Variants in IGF2BP2 observed in about 807,000 individuals in gnomAD.
IGF2BP2 encodes the protein insulin like growth factor 2 mRNA binding protein 2.
IGF2BP2 carries 17 observed loss-of-function variants against 75.8 expected under a neutral mutation model. The ratio of observed to expected loss-of-function variants is 0.22; its 90% CI spans 0.15 to 0.34. IGF2BP2 has a LOEUF of 0.34. Among genes scored for constraint, IGF2BP2 ranks in the 10% least tolerant of loss-of-function variants. The pLI, the probability that IGF2BP2 is intolerant of heterozygous loss-of-function variation, is 1.00. For missense variants in IGF2BP2, 516 were observed against 772.4 expected, an observed-to-expected ratio of 0.67 and a Z score of 3.93; for synonymous variants, 288 against 295.6, an observed-to-expected ratio of 0.97 and a Z score of 0.26.
At chr3:185,795,508 T>A (rs7640539) in intron 2 of IGF2BP2, among the ~76,000 whole-genome samples, 58,939 of 152,094 alleles carry the variant, frequency 0.39, 12,315 homozygotes, top group African/African-American at 0.56. Context: ...TTGCTGGATC[T>A]CACAATGTAT....
intron 7 of IGF2BP2, among the ~76,000 whole-genome samples, chr3:185,684,234 G>C (rs917227784): frequency 1.3e-5 from 2 of 152,048 alleles, no homozygotes; most frequent in Admixed American, 6.6e-5. Flanking sequence ...TAGGATCTCT[G>C]TTCTCCTATA....
In IGF2BP2 at chr3:185,774,353, T is replaced by C. The variant is rs150926567; in HGVS notation, c.239+48800A>G. ...GTTCCCGCCTGTAAGGCCTGCACTT[T>C]GGGAGGCCGAGGTGGGCGGATCACG... On this transcript the variant is annotated intron_variant, in intron 2 of 15. Coordinates refer to ENST00000382199, the MANE Select transcript of IGF2BP2 (RefSeq NM_006548.6). 3.6e-3 allele frequency among the ~76,000 whole-genome samples: 550 copies of C among 152,264 alleles called. 2 individuals carry two copies. Among genetic ancestry groups the C allele is most frequent in the Non-Finnish European group, 5.8e-3 (394 of 68,018 alleles).
At chr3:185,813,208 T>C (rs1479075156) in intron 2 of IGF2BP2, among the ~76,000 whole-genome samples, 1 of 152,214 alleles carries the variant, frequency 6.6e-6, no homozygotes, top group Non-Finnish European at 1.5e-5. Flanking sequence ...ACCTTTGTCA[T>C]CTCAAATATT....
chr3:185,669,508 C>A (rs1577897929), intron 10 of IGF2BP2, among the ~76,000 whole-genome samples: 2 of 148,602 alleles, frequency 1.3e-5, no homozygotes, highest in South Asian at 4.3e-4. Context: ...AGTACATACT[C>A]CCTGCTTCTT....
At chr3:185,750,337 A>C (rs1730801905) in intron 2 of IGF2BP2, among the ~76,000 whole-genome samples, 1 of 152,150 alleles carries the variant, frequency 6.6e-6, no homozygotes, top group Non-Finnish European at 1.5e-5. Flanking sequence ...GTTGATCTTT[A>C]ATCTATAAAT....
At chr3:185,820,401 C>T (rs968515552) in intron 2 of IGF2BP2, among the ~76,000 whole-genome samples, 1 of 151,834 alleles carries the variant, frequency 6.6e-6, no homozygotes, top group Non-Finnish European at 1.5e-5. Context: ...ACCATATGTA[C>T]TACCAAGAAA....
At chr3:185,677,056 T>TAG (rs1560276059) in intron 7 of IGF2BP2, among the ~76,000 whole-genome samples, 15 of 55,340 alleles carry the variant, frequency 2.7e-4, no homozygotes, top group African/African-American at 1.2e-3. Flanking sequence ...TATATATATA[T>TAG]ATATATATAT....
chr3:185,673,270 T>A (rs1320538614), intron 9 of IGF2BP2, among the ~76,000 whole-genome samples: 1 of 152,242 alleles, frequency 6.6e-6, no homozygotes, highest in East Asian at 1.9e-4. Context: ...GAGAATGTCT[T>A]ACTTAGTGTC....
chr3:185,672,715 A>G, intron 9 of IGF2BP2, 46 bp from the exon 10 acceptor site: 6 of 1,610,986 alleles, frequency 3.7e-6, no homozygotes, highest in Non-Finnish European at 4.2e-6. Flanking sequence ...GAGACCAGAG[A>G]GGCCCGCACG....
intron 4 of IGF2BP2, among the ~76,000 whole-genome samples, chr3:185,693,673 C>T (rs1250818852): frequency 6.6e-6 from 1 of 152,272 alleles, no homozygotes; most frequent in Non-Finnish European, 1.5e-5. Flanking sequence ...AGAAAACTTT[C>T]TCAATCCAAG....
chr3:185,755,905 T>C (rs1462053933), intron 2 of IGF2BP2, among the ~76,000 whole-genome samples: 1 of 152,202 alleles, frequency 6.6e-6, no homozygotes. Flanking sequence ...GAGTTGATGC[T>C]AGAACAAGCG....
chr3:185,671,085 G>A (rs1718434105), intron 10 of IGF2BP2, among the ~76,000 whole-genome samples: 1 of 152,140 alleles, frequency 6.6e-6, no homozygotes, highest in African/African-American at 2.4e-5. Flanking sequence ...ACAGAGATGT[G>A]AAACTCCCAA....
chr3:185,669,248 G>A (rs914144521), intron 10 of IGF2BP2, among the ~76,000 whole-genome samples: 11 of 151,914 alleles, frequency 7.2e-5, no homozygotes, highest in Non-Finnish European at 1.2e-4. Flanking sequence ...TCTACTTCCA[G>A]GAAATTATTC....
chr3:185,675,888 A>C lies in IGF2BP2; in HGVS notation c.838T>G (p.Leu280Val), dbSNP rs766087776. The C allele has an allele frequency of 1.9e-6, 3 of 1,614,086 alleles. No homozygotes were observed. The East Asian group carries it at 6.7e-5, about 36-fold the overall frequency. The change falls in exon 8 of 16, where the codon TTG becomes GTG. Residue 280 changes from leucine to valine, a missense_variant. Coordinates refer to ENST00000382199, the MANE Select transcript of IGF2BP2 (RefSeq NM_006548.6). ...CTTCCAACCAAGCCATTGTGTGCCA[A>C]GATTTTCAGAGGAATCTCTTCGGCT... ...KLAEEIPLKI[L>V]AHNGLVGRLI...
chr3:185,747,657 C>A (rs550636403), intron 2 of IGF2BP2, among the ~76,000 whole-genome samples: 1 of 151,556 alleles, frequency 6.6e-6, no homozygotes, highest in East Asian at 1.9e-4. Flanking sequence ...CCAGCCTGGG[C>A]GACAGAGCAA....
intron 2 of IGF2BP2, among the ~76,000 whole-genome samples, chr3:185,755,069 C>T (rs1731433054): frequency 6.6e-6 from 1 of 152,158 alleles, no homozygotes; most frequent in South Asian, 2.1e-4. Context: ...TGCTAACATC[C>T]AAGACAATGG....
At chr3:185,685,841 A>T (rs1441119191) in intron 7 of IGF2BP2, among the ~76,000 whole-genome samples, 2 of 152,136 alleles carry the variant, frequency 1.3e-5, no homozygotes, top group African/African-American at 4.8e-5. Context: ...TGGAGGTCTC[A>T]CTATGTTGCC....
chr3:185,811,423 C>A (rs1739805808), intron 2 of IGF2BP2, among the ~76,000 whole-genome samples: 1 of 152,200 alleles, frequency 6.6e-6, no homozygotes, highest in Admixed American at 6.5e-5. Flanking sequence ...GTGGCAGAGA[C>A]TGCAAACTGG....
intron 2 of IGF2BP2, among the ~76,000 whole-genome samples, chr3:185,783,859 A>G (rs1030445387): frequency 1.3e-5 from 2 of 152,360 alleles, no homozygotes; most frequent in East Asian, 3.9e-4. Context: ...CATATAGTAG[A>G]GTACCTTGAC....
Sources: allele counts gnomAD v4.1 joint callset (sites outside exome capture counted in the v4.1 genomes callset), GRCh38; gene constraint gnomAD v4.1.1; transcripts MANE v1.5; gene names NCBI Gene and HGNC (gene_info 2026-07-23, HGNC 2026-07-21).